The following PTPRZ1 variants were observed in gnomAD, a reference collection of about 807,000 sequenced individuals.
PTPRZ1 encodes the protein protein tyrosine phosphatase receptor type Z1, also known as receptor-type tyrosine-protein phosphatase zeta.
Under a neutral mutation model 214.1 loss-of-function variants are expected in PTPRZ1, and 82 were observed. That is an observed-to-expected ratio of 0.38 (90% CI 0.32 to 0.46). The LOEUF is 0.46. Ranked by LOEUF, PTPRZ1 falls within the 20% of genes least tolerant of loss-of-function variation. The pLI is 1.00. For synonymous variants in PTPRZ1, 945 were observed against 987.9 expected (o/e 0.96, Z 0.81); for missense variants, 2,603 against 2,748.7 (o/e 0.95, Z 1.19).
intron 2 of PTPRZ1, among the ~76,000 whole-genome samples, chr7:121,940,899 T>C (rs1042550926): frequency 7.2e-5 from 11 of 152,166 alleles, no homozygotes; most frequent in African/African-American, 2.7e-4. Flanking sequence ...ACCTTCCCCC[T>C]GCCTGCTGCT....
Position 121,893,568 on chromosome 7 carries a change from G to A in PTPRZ1, c.58+20011G>A, listed in dbSNP as rs375014705. Among the ~76,000 whole-genome samples the A allele has an allele frequency of 4.0e-3, 610 of 152,280 alleles. 6 individuals are homozygous for A. The highest frequency in any genetic ancestry group is 0.014 in the African/African-American group (583 of 41,568). On this transcript the variant is annotated intron_variant, in intron 1 of 29. Coordinates refer to ENST00000393386, the MANE Select transcript of PTPRZ1 (RefSeq NM_002851.3). ...CTCTTCAGTTTGCCAGAACTTAGCC[G>A]CAAGTCCACAAAGAAGACTGGAAAA...
chr7:121,922,357 G>T (rs150007272), intron 1 of PTPRZ1, among the ~76,000 whole-genome samples: 101 of 152,224 alleles, frequency 6.6e-4, no homozygotes, highest in Non-Finnish European at 1.2e-3. Flanking sequence ...AGATATTCGA[G>T]ACCAGCCTGG....
chr7:121,962,723 C>A (rs1796918832), intron 2 of PTPRZ1, among the ~76,000 whole-genome samples: 1 of 151,578 alleles, frequency 6.6e-6, no homozygotes, highest in South Asian at 2.1e-4. Flanking sequence ...CATCACCATA[C>A]CCAGCTAATT....
chr7:121,880,462 A>G (rs1395401324), intron 1 of PTPRZ1, among the ~76,000 whole-genome samples: 3 of 152,128 alleles, frequency 2.0e-5, no homozygotes, highest in African/African-American at 7.2e-5. Context: ...CTTACTGGAT[A>G]AATTTTCTAC....
At chr7:121,927,901 C>A (rs995411403) in intron 1 of PTPRZ1, among the ~76,000 whole-genome samples, 1 of 152,158 alleles carries the variant, frequency 6.6e-6, no homozygotes, top group East Asian at 1.9e-4. Context: ...TCTTTCATTA[C>A]CTAAATATGT....
chr7:122,048,302 C>G (rs1291633019), intron 23 of PTPRZ1, among the ~76,000 whole-genome samples: 2 of 151,832 alleles, frequency 1.3e-5, no homozygotes, highest in East Asian at 3.9e-4. Flanking sequence ...TTAAAATAGA[C>G]AAACCTGTGT....
intron 11 of PTPRZ1, among the ~76,000 whole-genome samples, chr7:122,009,841 T>C (rs1021075093): frequency 6.6e-6 from 1 of 152,160 alleles, no homozygotes; most frequent in African/African-American, 2.4e-5. Flanking sequence ...ATCTTCCCCT[T>C]ATTATGACCT....
At chr7:121,998,905 T>C (rs576428334) in intron 10 of PTPRZ1, among the ~76,000 whole-genome samples, 79 of 152,294 alleles carry the variant, frequency 5.2e-4, no homozygotes, top group Admixed American at 4.5e-3. Flanking sequence ...AATTATAGCC[T>C]ATTTTAGTTT....
In PTPRZ1 at chr7:122,034,228, G is replaced by T. The variant is rs1180245469; in HGVS notation, c.5188-54G>T. ...TTTGTCTTCGTTATTATATTTTAAG[G>T]CACGTTGTTTGAAAGAATGTGTGTT... On this transcript the variant is annotated intron_variant, in intron 16 of 29. Coordinates refer to ENST00000393386, the MANE Select transcript of PTPRZ1 (RefSeq NM_002851.3). The T allele has an allele frequency of 1.9e-6, 3 of 1,576,238 alleles. No homozygotes were observed. In the South Asian group the frequency reaches 3.4e-5, roughly 18 times the overall value.
At chr7:121,951,663 C>T (rs1258428424) in intron 2 of PTPRZ1, among the ~76,000 whole-genome samples, 1 of 152,174 alleles carries the variant, frequency 6.6e-6, no homozygotes, top group Non-Finnish European at 1.5e-5. Flanking sequence ...TGCTCAAAAG[C>T]CAGCCTGCCT....
chr7:121,896,520 C>T (rs958273570), intron 1 of PTPRZ1, among the ~76,000 whole-genome samples: 31 of 152,104 alleles, frequency 2.0e-4, no homozygotes, highest in East Asian at 7.7e-4. Flanking sequence ...CCTTGAAAAA[C>T]GGAAGAAAAC....
rs771818417 is a variant in PTPRZ1 at position 122,010,787 on chromosome 7, A to G, written c.1741A>G (p.Thr581Ala). The change falls in exon 12 of 30, where the codon ACT (threonine) becomes GCT (alanine). Residue 581 changes from threonine to alanine, a missense_variant. Thr to Ala is a moderately conservative substitution (Grantham distance 58). This residue lies in a region of PTPRZ1 where 1,913 missense variants were observed against 1,914.3 expected (regional missense o/e 1.00). Coordinates refer to ENST00000393386, the MANE Select transcript of PTPRZ1 (RefSeq NM_002851.3). ...ESLLTSFKLD[T>A]GAEDSSGSSP... The stretch of plus-strand genomic sequence containing the variant: ...TTTATTGACCAGTTTCAAGCTTGAT[A>G]CTGGAGCTGAAGATTCTTCAGGCTC... The G allele has an allele frequency of 6.2e-7, 1 of 1,613,992 alleles. No individual in the cohort carries two copies. Among genetic ancestry groups the G allele is most frequent in the Non-Finnish European group, 8.5e-7 (1 of 1,179,940 alleles).
intron 8 of PTPRZ1, among the ~76,000 whole-genome samples, chr7:121,987,795 G>T (rs1191219621): frequency 6.6e-6 from 1 of 152,086 alleles, no homozygotes; most frequent in Non-Finnish European, 1.5e-5. Flanking sequence ...CTCAGTGGTA[G>T]ATTAAAAAAA....
chr7:121,953,493 A>T (rs1040980230), intron 2 of PTPRZ1, among the ~76,000 whole-genome samples: 2 of 152,234 alleles, frequency 1.3e-5, no homozygotes, highest in Admixed American at 6.5e-5. Flanking sequence ...ACTTGAAAAG[A>T]TCCATTGTCA....
At chr7:121,980,076 C>G (rs547239427) in intron 6 of PTPRZ1, among the ~76,000 whole-genome samples, 1 of 151,910 alleles carries the variant, frequency 6.6e-6, no homozygotes, top group South Asian at 2.1e-4. Context: ...TAAATTTTTT[C>G]CCCTTTAATT....
chr7:122,029,117 T>C (rs1263338433), intron 14 of PTPRZ1, among the ~76,000 whole-genome samples: 1 of 151,422 alleles, frequency 6.6e-6, no homozygotes, highest in African/African-American at 2.4e-5. Context: ...TTAACCTACA[T>C]TAGAAGAAAA....
chr7:121,973,661 C>T (rs1476495440), intron 4 of PTPRZ1, among the ~76,000 whole-genome samples: 4 of 152,212 alleles, frequency 2.6e-5, no homozygotes, highest in Non-Finnish European at 4.4e-5. Context: ...GAGCCAGGCG[C>T]GGTGGCTCAT....
At chr7:121,941,058 C>T (rs1796226436) in intron 2 of PTPRZ1, among the ~76,000 whole-genome samples, 1 of 152,198 alleles carries the variant, frequency 6.6e-6, no homozygotes, top group Non-Finnish European at 1.5e-5. Flanking sequence ...TACACTGTCC[C>T]TGTCCCTCTC....
In PTPRZ1 at chr7:122,028,576, T is replaced by A. The variant is rs765548095; in HGVS notation, c.5013T>A (p.Phe1671Leu). 56 of 1,543,708 alleles carry A rather than the reference T, an allele frequency of 3.6e-5. No homozygotes were observed. Among genetic ancestry groups the A allele is most frequent in the Non-Finnish European group, 4.9e-5 (55 of 1,116,518 alleles). The change falls in exon 14 of 30, where the codon TTT (phenylalanine) becomes TTA (leucine). Residue 1671 changes from phenylalanine (F) to leucine (L), a missense_variant. This residue lies in a region of PTPRZ1 where 1,913 missense variants were observed against 1,914.3 expected (regional missense o/e 1.00). Transcript: ENST00000393386. ...YWRKCFQTAH[F>L]YLEDSTSPRV... ...GGAAATGCTTCCAGACTGCACACTTTTACTTAGAGGACAGTACATCCCCTA... is the reference window on the plus strand; with the variant it reads ...GGAAATGCTTCCAGACTGCACACTTATACTTAGAGGACAGTACATCCCCTA...
Sources: gnomAD v4.1 joint callset for allele counts (sites outside exome capture counted in the v4.1 genomes callset) on GRCh38, gnomAD v4.1.1 for gene constraint, gnomAD v4.1.1 regional missense constraint, MANE v1.5 for transcripts, NCBI Gene and HGNC (gene_info 2026-07-23, HGNC 2026-07-21) for gene names.